RBFOX1: variants seen among roughly 807,000 people sequenced by gnomAD.
RBFOX1 encodes RNA binding fox-1 homolog 1, also known as RNA binding protein fox-1 homolog 1.
Under a neutral mutation model 57.7 loss-of-function variants are expected in RBFOX1, and 8 were observed. The observed-to-expected ratio is 0.14, with a 90% confidence interval of 0.08 to 0.25. The LOEUF (loss-of-function observed/expected upper bound fraction) is 0.25, where lower values mean the gene tolerates loss of function less well. RBFOX1 is among the 10% of genes least tolerant of loss of function. The probability of loss-of-function intolerance (pLI) is 1.00; values close to 1 mark genes in which losing one functional copy is unlikely to be tolerated. For synonymous variants in RBFOX1, 326 were observed against 222.4 expected (o/e 1.47, Z -4.15); for missense variants, 611 against 548.5 (o/e 1.11, Z -1.14).
At chr16:6,167,060 A>G (rs929163949) in intron 1 of RBFOX1, among the ~76,000 whole-genome samples, 2 of 152,174 alleles carry the variant, frequency 1.3e-5, no homozygotes, top group Non-Finnish European at 2.9e-5. Flanking sequence ...GGCATAAGCC[A>G]TCCTGCCCTG....
intron 4 of RBFOX1, among the ~76,000 whole-genome samples, chr16:7,328,430 A>G (rs1037227303): frequency 2.8e-5 from 4 of 142,042 alleles, no homozygotes; most frequent in African/African-American, 8.0e-5. Flanking sequence ...CAGTGAGCTG[A>G]GATCATGCCA....
At chr16:5,894,530 C>G (rs888336864) in intron 4 of RBFOX1, among the ~76,000 whole-genome samples, 1 of 152,070 alleles carries the variant, frequency 6.6e-6, no homozygotes, top group Non-Finnish European at 1.5e-5. Flanking sequence ...CAGCCTTGGC[C>G]TCCCAAAGTG....
intron 4 of RBFOX1, among the ~76,000 whole-genome samples, chr16:5,881,398 G>A (rs1027560246): frequency 6.6e-6 from 1 of 152,188 alleles, no homozygotes; most frequent in African/African-American, 2.4e-5. Flanking sequence ...AGTATTAGGG[G>A]TCTGGGTGTG....
At chr16:6,084,696 T>G (rs1332679618) in intron 1 of RBFOX1, among the ~76,000 whole-genome samples, 1 of 152,154 alleles carries the variant, frequency 6.6e-6, no homozygotes, top group African/African-American at 2.4e-5. Flanking sequence ...TCGGGATTCC[T>G]TGGTTAGGAG....
chr16:5,240,724 G>A (rs1262401303), intron 1 of RBFOX1, among the ~76,000 whole-genome samples: 4 of 152,168 alleles, frequency 2.6e-5, no homozygotes, highest in Non-Finnish European at 5.9e-5. Flanking sequence ...TGCATCCCTC[G>A]GGGCGCTGTC....
At chr16:6,640,797 G>C (rs1267790568) in intron 2 of RBFOX1, among the ~76,000 whole-genome samples, 1 of 152,076 alleles carries the variant, frequency 6.6e-6, no homozygotes, top group Non-Finnish European at 1.5e-5. Flanking sequence ...CCTTGAACCA[G>C]AATACGTTCT....
chr16:6,942,379 C>T (rs913665276), intron 3 of RBFOX1, among the ~76,000 whole-genome samples: 4 of 152,098 alleles, frequency 2.6e-5, no homozygotes, highest in Non-Finnish European at 4.4e-5. Context: ...AGGCTGATCT[C>T]GAACCCTTGG....
intron 3 of RBFOX1, among the ~76,000 whole-genome samples, chr16:5,811,803 C>A (rs1419241643): frequency 6.6e-6 from 1 of 152,156 alleles, no homozygotes; most frequent in Non-Finnish European, 1.5e-5. Context: ...CTATAATATT[C>A]ACCTATTGTT....
chr16:6,025,190 G>A (rs770138549), intron 1 of RBFOX1, among the ~76,000 whole-genome samples: 12 of 152,112 alleles, frequency 7.9e-5, no homozygotes, highest in African/African-American at 2.7e-4. Context: ...CTGGCCGGCC[G>A]GCTCTATTTT....
At chr16:7,008,437 G>A (rs115498602) in intron 3 of RBFOX1, among the ~76,000 whole-genome samples, 1 of 151,884 alleles carries the variant, frequency 6.6e-6, no homozygotes, top group Non-Finnish European at 1.5e-5. Flanking sequence ...ACACTCAGAA[G>A]TCAGAGGCAG....
At chr16:6,617,466 T>C (rs773154708) in intron 2 of RBFOX1, among the ~76,000 whole-genome samples, 1 of 151,482 alleles carries the variant, frequency 6.6e-6, no homozygotes, top group Non-Finnish European at 1.5e-5. Flanking sequence ...TCACTTCTCA[T>C]GGATGTAATT....
chr16:6,740,480 G>T (rs975418571), intron 3 of RBFOX1, among the ~76,000 whole-genome samples: 1 of 152,176 alleles, frequency 6.6e-6, no homozygotes, highest in Non-Finnish European at 1.5e-5. Flanking sequence ...CATGGTTATA[G>T]AGTAAACACC....
intron 4 of RBFOX1, among the ~76,000 whole-genome samples, chr16:7,168,157 A>G (rs577178101): frequency 1.2e-4 from 19 of 152,174 alleles, no homozygotes; most frequent in Non-Finnish European, 2.4e-4. Flanking sequence ...ATTAAAGTTC[A>G]CTTATCAATG....
At chr16:6,988,215 A>G (rs763330112) in intron 3 of RBFOX1, among the ~76,000 whole-genome samples, 4 of 152,198 alleles carry the variant, frequency 2.6e-5, no homozygotes, top group African/African-American at 9.7e-5. Flanking sequence ...AAATTTTTGG[A>G]AACAAATTTG....
intron 10 of RBFOX1, among the ~76,000 whole-genome samples, chr16:7,613,505 C>T (rs148978423): frequency 6.6e-6 from 1 of 152,176 alleles, no homozygotes; most frequent in African/African-American, 2.4e-5. Flanking sequence ...TGATGCTGGG[C>T]TAGGTGATGG....
chr16:7,050,592 T>TTCACTGTA (rs2049722746), intron 3 of RBFOX1, among the ~76,000 whole-genome samples: 4 of 152,154 alleles, frequency 2.6e-5, no homozygotes, highest in Admixed American at 2.0e-4. Context: ...AATGATCTGT[T>TTCACTGTA]TCACTGTATT....
intron 2 of RBFOX1, among the ~76,000 whole-genome samples, chr16:5,481,087 T>A (rs953685140): frequency 5.9e-5 from 9 of 152,254 alleles, no homozygotes; most frequent in Admixed American, 1.3e-4. Context: ...CGACTCTCAC[T>A]GTTGGAAGTG....
At chr16:5,719,135 A>G (rs1231396433) in intron 3 of RBFOX1, among the ~76,000 whole-genome samples, 7 of 152,050 alleles carry the variant, frequency 4.6e-5, no homozygotes, top group Non-Finnish European at 1.0e-4. Flanking sequence ...CATTAAACGC[A>G]TATAACCCAA....
intron 10 of RBFOX1, among the ~76,000 whole-genome samples, chr16:7,620,543 T>A (rs1171902783): frequency 6.6e-6 from 1 of 152,208 alleles, no homozygotes; most frequent in African/African-American, 2.4e-5. Flanking sequence ...GCTTCCTTGG[T>A]TGGATTTAAA....
Sources: allele counts gnomAD v4.1 joint callset (sites outside exome capture counted in the v4.1 genomes callset), GRCh38; gene constraint gnomAD v4.1.1; transcripts MANE v1.5; gene names NCBI Gene and HGNC (gene_info 2026-07-23, HGNC 2026-07-21).